Variants in GLMN observed in about 807,000 individuals in gnomAD.
GLMN encodes the protein glomulin, FKBP associated protein.
In GLMN, 75 loss-of-function variants were observed where a neutral mutation model predicts 87.8. The observed-to-expected ratio is 0.85, with a 90% confidence interval of 0.71 to 1.04. The LOEUF is 1.04. GLMN is among the 50% of genes least tolerant of loss of function. The pLI, the probability that GLMN is intolerant of heterozygous loss-of-function variation, is 0.00. For synonymous variants in GLMN, 206 were observed against 221.6 expected (o/e 0.93, Z 0.63); for missense variants, 588 against 658.8 (o/e 0.89, Z 1.18).
At chr1:92,320,494 A>G in the GLMN span, 2 of 804,244 alleles carry the variant, frequency 2.5e-6, no homozygotes, top group Non-Finnish European at 4.2e-6. Flanking sequence ...GATGGTCTCA[A>G]TCTCCTGACC....
chr1:92,312,882 C>T, the GLMN span, among the ~76,000 whole-genome samples: 31 of 151,410 alleles, frequency 2.0e-4, no homozygotes, highest in East Asian at 4.7e-3. Flanking sequence ...AGTGCAGTGG[C>T]GCGATCTTGG....
chr1:92,309,827 A>C, the GLMN span, among the ~76,000 whole-genome samples: 1 of 152,206 alleles, frequency 6.6e-6, no homozygotes, highest in Non-Finnish European at 1.5e-5. Flanking sequence ...GCCCACTTGA[A>C]ATTTGGGAAA....
intron 3 of GLMN, among the ~76,000 whole-genome samples, chr1:92,293,196 C>A (rs1270068048): frequency 6.6e-6 from 1 of 151,996 alleles, no homozygotes; most frequent in Non-Finnish European, 1.5e-5. Context: ...GGCAAACAAG[C>A]ATATGAAAAG....
At chr1:92,303,934 T>G (rs1157976954), upstream of GLMN, 1 of 1,381,408 alleles carries the variant, frequency 7.2e-7, no homozygotes, top group East Asian at 2.3e-5. Context: ...AAATGAACTT[T>G]TCTATTAAAC....
the GLMN span, among the ~76,000 whole-genome samples, chr1:92,358,246 C>T: frequency 6.6e-6 from 1 of 152,214 alleles, no homozygotes; most frequent in African/African-American, 2.4e-5. Context: ...TCATCTCACA[C>T]CATCCTACCT....
At position 92,288,298 on chromosome 1, in the gene GLMN, T is replaced by C. The variant is rs1479720198; in HGVS notation, c.632+616A>G. On this transcript the variant is annotated intron_variant, in intron 6 of 18. Coordinates refer to ENST00000370360, the MANE Select transcript of GLMN (RefSeq NM_053274.3). ...CAATTTCTCCACAGAGCTACCTATA[T>C]CTATTTCCCACACTCACCCTGAGCT... Among the ~76,000 whole-genome samples, 4 of 152,294 alleles carry C rather than the reference T, an allele frequency of 2.6e-5. No homozygotes were observed. The East Asian group carries it at 7.7e-4, about 29-fold the overall frequency.
chr1:92,346,786 A>G, the GLMN span, among the ~76,000 whole-genome samples: 1 of 152,200 alleles, frequency 6.6e-6, no homozygotes, highest in Non-Finnish European at 1.5e-5. Context: ...ATTTATCAAT[A>G]GGGTTAAAAC....
At chr1:92,260,489 G>GCTGTAGT (rs916602790) in intron 16 of GLMN, among the ~76,000 whole-genome samples, 3 of 151,906 alleles carry the variant, frequency 2.0e-5, no homozygotes, top group African/African-American at 7.2e-5. Flanking sequence ...GTGGTGCCTG[G>GCTGTAGT]CTGTAGTCCC....
chr1:92,260,632 C>T (rs1654909903), intron 16 of GLMN, among the ~76,000 whole-genome samples: 1 of 151,454 alleles, frequency 6.6e-6, no homozygotes, highest in African/African-American at 2.4e-5. Flanking sequence ...AAAAGAAGTG[C>T]CTGTAATCCC....
intron 16 of GLMN, among the ~76,000 whole-genome samples, chr1:92,260,519 G>A (rs1047294844): frequency 7.9e-5 from 12 of 152,014 alleles, no homozygotes; most frequent in African/African-American, 2.2e-4. Flanking sequence ...GGAGACTGAG[G>A]CAGGAGAATC....
At chr1:92,267,447 T>A (rs1655761462) in intron 11 of GLMN, among the ~76,000 whole-genome samples, 1 of 152,182 alleles carries the variant, frequency 6.6e-6, no homozygotes, top group African/African-American at 2.4e-5. Flanking sequence ...CTCACACCTG[T>A]AATCCCAGCA....
chr1:92,341,101 C>T, the GLMN span, among the ~76,000 whole-genome samples: 9 of 151,968 alleles, frequency 5.9e-5, no homozygotes, highest in African/African-American at 2.2e-4. Flanking sequence ...CTCTGCCTCC[C>T]AGTCTCAAGC....
chr1:92,327,940 T>G, the GLMN span, among the ~76,000 whole-genome samples: 1 of 152,208 alleles, frequency 6.6e-6, no homozygotes, highest in Admixed American at 6.5e-5. Context: ...TACAAAATTC[T>G]TGGCTGACAG....
At chr1:92,285,095 C>T (rs1379545776) in intron 7 of GLMN, among the ~76,000 whole-genome samples, 4 of 151,950 alleles carry the variant, frequency 2.6e-5, no homozygotes, top group Non-Finnish European at 5.9e-5. Context: ...ACCATTTGAC[C>T]CAGCCATCCC....
At chr1:92,339,881 T>TA in the GLMN span, among the ~76,000 whole-genome samples, 1 of 152,164 alleles carries the variant, frequency 6.6e-6, no homozygotes, top group East Asian at 1.9e-4. Context: ...CTTTCTGCAT[T>TA]ATTTAAAGAC....
In GLMN at chr1:92,264,614, G is replaced by T; in HGVS notation, c.1239C>A (p.His413Gln). ...LFRCLLNTSN[H>Q]SGVEAFIIQN... ...GAATAATAAAAGCCTCCACACCTGA[G>T]TGATTACTTGTATTCAATAAGCACC... Residue 413 changes from histidine to glutamine, a missense_variant, in exon 14 of 19, where the codon CAC becomes CAA. His to Gln is a conservative substitution (Grantham distance 24). Coordinates refer to ENST00000370360, the MANE Select transcript of GLMN (RefSeq NM_053274.3). The T allele has an allele frequency of 6.3e-7, 1 of 1,581,772 alleles. No individual in the cohort carries two copies. Among genetic ancestry groups the T allele is most frequent in the Non-Finnish European group, 8.7e-7 (1 of 1,150,820 alleles).
intron 7 of GLMN, among the ~76,000 whole-genome samples, chr1:92,274,961 TC>T (rs1647190411): frequency 6.6e-6 from 1 of 152,200 alleles, no homozygotes; most frequent in Non-Finnish European, 1.5e-5. Context: ...ACCCTGTATT[TC>T]CTTCAGCAGT....
chr1:92,329,578 C>T, the GLMN span, among the ~76,000 whole-genome samples: 384 of 152,300 alleles, frequency 2.5e-3, 3 homozygotes, highest in South Asian at 9.3e-3. Context: ...TGGTATGTTT[C>T]TGCGGTAGTT....
chr1:92,329,093 G>A, the GLMN span, among the ~76,000 whole-genome samples: 1 of 152,154 alleles, frequency 6.6e-6, no homozygotes, highest in African/African-American at 2.4e-5. Flanking sequence ...TTTTAAGTGC[G>A]CTGGTTTTGT....
Sources: allele counts gnomAD v4.1 joint callset (sites outside exome capture counted in the v4.1 genomes callset), GRCh38; gene constraint gnomAD v4.1.1; transcripts MANE v1.5; gene names NCBI Gene and HGNC (gene_info 2026-07-23, HGNC 2026-07-21).